PTPRU: variants seen among roughly 807,000 people sequenced by gnomAD.
The protein encoded by PTPRU is protein tyrosine phosphatase receptor type U.
In PTPRU, 69 loss-of-function variants were observed where a neutral mutation model predicts 166.3. That is an observed-to-expected ratio of 0.41 (90% confidence interval 0.34 to 0.51). PTPRU has a LOEUF of 0.51. Ranked by LOEUF, PTPRU falls within the 20% of genes least tolerant of loss-of-function variation. The probability of loss-of-function intolerance (pLI) is 0.09; values close to 1 mark genes in which losing one functional copy is unlikely to be tolerated. For synonymous variants in PTPRU, 793 were observed against 814.0 expected, an observed-to-expected ratio of 0.97 and a Z score of 0.44; for missense variants, 1,657 against 2,013.7, an observed-to-expected ratio of 0.82 and a Z score of 3.39.
In PTPRU at chr1:29,308,347, T is replaced by C. The variant is rs549461551; in HGVS notation, c.2821-2397T>C. On this transcript the variant is annotated intron_variant, in intron 18 of 29. Coordinates refer to ENST00000373779, the MANE Select transcript of PTPRU (RefSeq NM_133178.4). ...ACTTTGGGAGGCCAAGGCAGGCAGA[T>C]TGCTTGAGTCCAGGAGTTCGAGATC... 1.0e-3 allele frequency among the ~76,000 whole-genome samples: 155 copies of C among 150,728 alleles called. 1 individual carries two copies. Among genetic ancestry groups the C allele is most frequent in the Admixed American group, 3.6e-3 (55 of 15,146 alleles).
chr1:29,305,757 A>G (rs1458053909), intron 18 of PTPRU, among the ~76,000 whole-genome samples: 1 of 152,186 alleles, frequency 6.6e-6, no homozygotes, highest in Non-Finnish European at 1.5e-5. Context: ...ATGAGGCTGA[A>G]GAGGTAGGCA....
intron 1 of PTPRU, among the ~76,000 whole-genome samples, chr1:29,250,158 C>G (rs2151941682): frequency 6.6e-6 from 1 of 152,256 alleles, no homozygotes; most frequent in East Asian, 1.9e-4. Flanking sequence ...TCCCCTGGAC[C>G]CCCTCTTGTG....
intron 7 of PTPRU, among the ~76,000 whole-genome samples, chr1:29,264,652 C>T (rs1037246590): frequency 3.9e-5 from 6 of 152,028 alleles, no homozygotes; most frequent in African/African-American, 7.2e-5. Flanking sequence ...ATTACAGGCG[C>T]GTGCCACCAT....
Position 29,280,882 on chromosome 1 carries a change from G to A in PTPRU, c.1868+741G>A, listed in dbSNP as rs1179984348. ...CATGAAGCCATTTATCCTCATGGCA[G>A]CCCTGTGGCATGGGTATTATTACCT... On this transcript the variant is annotated intron_variant, in intron 11 of 29. Coordinates refer to ENST00000373779, the MANE Select transcript of PTPRU (RefSeq NM_133178.4). This position sits in a 1 kb window ranked among gnomAD's most constrained non-coding sequence, Gnocchi z 4.2. Among the ~76,000 whole-genome samples, 1 of 152,172 alleles carries A rather than the reference G, an allele frequency of 6.6e-6. No homozygotes were observed. The highest frequency in any genetic ancestry group is 1.5e-5 in the Non-Finnish European group (1 of 68,026).
chr1:29,308,968 GCAGTGGAGA>G (rs1687527885), intron 18 of PTPRU, among the ~76,000 whole-genome samples: 1 of 152,230 alleles, frequency 6.6e-6, no homozygotes, highest in Admixed American at 6.5e-5. Flanking sequence ...GGTCGAGGCT[GCAGTGGAGA>G]CAGTGGCATG....
At chr1:29,316,925 G>A (rs1687925484) in intron 24 of PTPRU, among the ~76,000 whole-genome samples, 1 of 152,142 alleles carries the variant, frequency 6.6e-6, no homozygotes, top group South Asian at 2.1e-4. Context: ...GGAAAAGGCT[G>A]GTTCTCCAGA....
intron 7 of PTPRU, among the ~76,000 whole-genome samples, chr1:29,263,682 C>G (rs908589518): frequency 1.3e-5 from 2 of 152,134 alleles, no homozygotes; most frequent in African/African-American, 4.8e-5. Context: ...TATAAGCACT[C>G]TAGTATATAT....
Position 29,325,685 on chromosome 1 carries a change from A to G in PTPRU, c.*24A>G. On this transcript the variant is annotated 3_prime_UTR_variant, in exon 30 of 30. Transcript: ENST00000373779. ...AGCGGGGCCCTGGCCTGGGGCACCC[A>G]CTGCACACTCAGGGCCAGACCCACC... 1 of 1,573,256 alleles carries G rather than the reference A, an allele frequency of 6.4e-7. No homozygotes were observed. The highest frequency in any genetic ancestry group is 8.7e-7 in the Non-Finnish European group (1 of 1,152,200).
Position 29,323,787 on chromosome 1 carries a change from C to T in PTPRU, c.4111C>T (p.Leu1371=). ...GGATGGGCGCACCATCGTGCACTGCCTGTGAGTACCTGCCCTGTGGGAGGG... is the reference window on the plus strand; with the variant it reads ...GGATGGGCGCACCATCGTGCACTGCTTGTGAGTACCTGCCCTGTGGGAGGG... The part of the protein sequence containing the change: ...SGDGRTIVHC[L]NGGGRSGTFC... Residue 1371 remains leucine (L), a splice_region_variant and synonymous_variant, in exon 28 of 30, where the codon CTA becomes TTA. Transcript: ENST00000373779. 1 of 1,613,930 alleles carries T rather than the reference C, an allele frequency of 6.2e-7. No homozygotes were observed. The highest frequency in any genetic ancestry group is 1.1e-5 in the South Asian group (1 of 91,068).
intron 1 of PTPRU, among the ~76,000 whole-genome samples, chr1:29,243,214 A>G (rs897158300): frequency 6.6e-6 from 1 of 152,020 alleles, no homozygotes; most frequent in African/African-American, 2.4e-5. Flanking sequence ...TTGGTTTCTA[A>G]TGCTTCCACC....
chr1:29,285,643 A>C (rs1409656881), intron 14 of PTPRU, among the ~76,000 whole-genome samples: 1 of 152,250 alleles, frequency 6.6e-6, no homozygotes, highest in East Asian at 1.9e-4. Context: ...AAGAGCTGCC[A>C]GGTAGTTCAA....
At chr1:29,250,657 T>C (rs1684507594) in intron 1 of PTPRU, among the ~76,000 whole-genome samples, 1 of 152,222 alleles carries the variant, frequency 6.6e-6, no homozygotes. Context: ...CATGTCTGTG[T>C]TGATGGAGTC....
intron 17 of PTPRU, 25 bp downstream of exon 17, chr1:29,304,874 G>GC: frequency 6.3e-7 from 1 of 1,585,564 alleles, no homozygotes; most frequent in Non-Finnish European, 8.6e-7. Flanking sequence ...AGGGCCTGGG[G>GC]TCCAGGGCAG....
intron 3 of PTPRU, 81 bp from the exon 4 acceptor site, chr1:29,259,180 G>A: frequency 7.0e-7 from 1 of 1,434,416 alleles, no homozygotes; most frequent in South Asian, 1.2e-5. Flanking sequence ...AGAGGAGGCT[G>A]AGGCCGAGCT....
intron 1 of PTPRU, among the ~76,000 whole-genome samples, chr1:29,249,929 A>T (rs183860410): frequency 9.1e-4 from 139 of 152,294 alleles, no homozygotes; most frequent in African/African-American, 3.2e-3. Flanking sequence ...AGGGTCCTCC[A>T]TGATTGGCCT....
intron 7 of PTPRU, among the ~76,000 whole-genome samples, chr1:29,263,265 G>A (rs1009096999): frequency 3.3e-5 from 5 of 152,284 alleles, no homozygotes; most frequent in East Asian, 1.9e-4. Context: ...GATTACAGGC[G>A]TGAGCCACTG....
chr1:29,239,492 C>T (rs920630665), intron 1 of PTPRU, among the ~76,000 whole-genome samples: 4 of 152,046 alleles, frequency 2.6e-5, no homozygotes, highest in Non-Finnish European at 4.4e-5. Flanking sequence ...TGACAGTGGC[C>T]GAGGTGGGGA....
chr1:29,239,100 A>G (rs1683920630), intron 1 of PTPRU, among the ~76,000 whole-genome samples: 1 of 152,180 alleles, frequency 6.6e-6, no homozygotes, highest in African/African-American at 2.4e-5. Context: ...TGCCTCTGCT[A>G]CTTGCTATTC....
rs67702477 is a variant in PTPRU at position 29,236,849 on chromosome 1, T to G, written c.73+132T>G. The G allele has an allele frequency of 3.9e-5, 34 of 873,068 alleles. No individual in the cohort carries two copies. The East Asian group carries it at 4.2e-4, about 11-fold the overall frequency. The allele number at this position is 873,068 out of a possible 1,614,324, so 54.1% of individuals were successfully genotyped here. Reference sequence around the variant, plus strand: ...TCCCTGTGTGTGTCTGAGCGTAGGATGGGCGATTGTGTGCCCGGGGTGTTG... The same window carrying G: ...TCCCTGTGTGTGTCTGAGCGTAGGAGGGGCGATTGTGTGCCCGGGGTGTTG... On this transcript the variant is annotated intron_variant, in intron 1 of 29. Transcript: ENST00000373779. This position sits in a 1 kb window ranked among gnomAD's most constrained non-coding sequence, Gnocchi z 4.6.
Sources: allele counts gnomAD v4.1 joint callset (sites outside exome capture counted in the v4.1 genomes callset), GRCh38; gene constraint gnomAD v4.1.1; non-coding constraint Gnocchi (gnomAD v3.1); transcripts MANE v1.5; gene names NCBI Gene and HGNC (gene_info 2026-07-23, HGNC 2026-07-21).